The following CUL4A variants were observed in gnomAD, a reference collection of about 807,000 sequenced individuals.
The protein encoded by CUL4A is cullin 4A, also known as cullin-4A.
In CUL4A, 16 loss-of-function variants were observed where a neutral mutation model predicts 95.5. The observed-to-expected ratio is 0.17, with a 90% CI of 0.11 to 0.25. The LOEUF (loss-of-function observed/expected upper bound fraction) is 0.25. CUL4A is among the 10% of genes least tolerant of loss of function. The pLI, the probability that CUL4A is intolerant of heterozygous loss-of-function variation, is 1.00. For synonymous variants in CUL4A, 380 were observed against 353.1 expected, an observed-to-expected ratio of 1.08 and a Z score of -0.85; for missense variants, 610 against 937.0, an observed-to-expected ratio of 0.65 and a Z score of 4.56.
At chr13:113,247,093 G>A (rs547284359) in intron 15 of CUL4A, among the ~76,000 whole-genome samples, 8 of 152,204 alleles carry the variant, frequency 5.3e-5, no homozygotes, top group East Asian at 3.9e-4. Context: ...GAGAGAGGGC[G>A]CAACAGGTGG....
chr13:113,242,513 AGCACAGGG>A (rs1248670759), intron 10 of CUL4A, among the ~76,000 whole-genome samples: 1 of 152,174 alleles, frequency 6.6e-6, no homozygotes, highest in Non-Finnish European at 1.5e-5. Flanking sequence ...ATTCACACCA[AGCACAGGG>A]GCTCATGCCT....
At chr13:113,217,780 G>T (rs1343656141) in intron 2 of CUL4A, among the ~76,000 whole-genome samples, 1 of 152,102 alleles carries the variant, frequency 6.6e-6, no homozygotes, top group African/African-American at 2.4e-5. Flanking sequence ...AAACTTGTTA[G>T]AAAAACCATA....
At chr13:113,239,326 A>G (rs2041637840) in intron 9 of CUL4A, 107 bp from the exon 10 acceptor site, 9 of 970,034 alleles carry the variant, frequency 9.3e-6, no homozygotes, top group South Asian at 2.7e-5. Context: ...GACCCGCCCA[A>G]TTTCTAAGCG....
At chr13:113,239,590 C>A in intron 10 of CUL4A, 39 bp downstream of exon 10, 1 of 1,503,748 alleles carries the variant, frequency 6.7e-7, no homozygotes, top group South Asian at 1.2e-5. Context: ...GTGGGCATTC[C>A]CTGCAGGGAG....
upstream of CUL4A, chr13:113,208,266 C>T: frequency 6.9e-7 from 1 of 1,442,576 alleles, no homozygotes; most frequent in Non-Finnish European, 9.1e-7. Context: ...TCGGCGTGGC[C>T]CGCAGGCCCT....
At chr13:113,218,869 A>C in intron 2 of CUL4A, 76 bp from the exon 3 acceptor site, 21 of 920,866 alleles carry the variant, frequency 2.3e-5, no homozygotes, top group African/African-American at 5.0e-5. Context: ...GATTACAGCT[A>C]TGTTAACAAT....
chr13:113,237,664 G>A (rs531114412), intron 9 of CUL4A, among the ~76,000 whole-genome samples: 3 of 152,118 alleles, frequency 2.0e-5, no homozygotes, highest in African/African-American at 4.8e-5. Flanking sequence ...GTTACCTTCT[G>A]AAAGTCATTT....
At chr13:113,261,764 C>T (rs764710851) in intron 19 of CUL4A, among the ~76,000 whole-genome samples, 71 of 25,402 alleles carry the variant, frequency 2.8e-3, no homozygotes, top group African/African-American at 4.3e-3. Context: ...CCAGGGCGCC[C>T]GCTCTGCTCT....
chr13:113,235,679 T>TA (rs1566349353), intron 8 of CUL4A, among the ~76,000 whole-genome samples: 4 of 152,072 alleles, frequency 2.6e-5, no homozygotes, highest in Non-Finnish European at 5.9e-5. Context: ...ATGAAAATGA[T>TA]ACAGTGTGCA....
intron 3 of CUL4A, among the ~76,000 whole-genome samples, chr13:113,227,014 C>T (rs757453042): frequency 4.6e-5 from 7 of 152,056 alleles, no homozygotes; most frequent in Admixed American, 6.6e-5. Context: ...GTGTTTCTGC[C>T]GGCAGGGACT....
intron 3 of CUL4A, among the ~76,000 whole-genome samples, chr13:113,220,093 T>C (rs995045961): frequency 6.6e-5 from 10 of 152,252 alleles, no homozygotes; most frequent in African/African-American, 2.4e-4. Context: ...AGTGTTCTTC[T>C]AGTTCAAGGA....
chr13:113,222,970 C>T lies in CUL4A; in HGVS notation c.368+3922C>T, dbSNP rs145217715. Among the ~76,000 whole-genome samples the T allele has an allele frequency of 6.8e-3, 1,042 of 152,146 alleles. 12 individuals are homozygous for T. The highest frequency in any genetic ancestry group is 0.024 in the African/African-American group (1,008 of 41,498). On this transcript the variant is annotated intron_variant, in intron 3 of 19. Transcript: ENST00000375440. ...TGCTGTCAGGAAGATGAGAGGAGAA[C>T]CTGGAGAGTCATCTTGTGGGAATCG...
chr13:113,209,997 A>G lies in CUL4A; in HGVS notation c.173A>G (p.Tyr58Cys). 1 of 1,519,668 alleles carries G rather than the reference A, an allele frequency of 6.6e-7. No individual in the cohort carries two copies. The highest frequency in any genetic ancestry group is 8.8e-7 in the Non-Finnish European group (1 of 1,134,564). 94.1% of individuals were successfully genotyped at this position (1,519,668 alleles called of 1,614,324 possible). ...FRDRPRLPDN[Y>C]TQDTWRKLHE... The stretch of plus-strand genomic sequence containing the variant: ...GACAGACCTCGGCTGCCCGACAACT[A>G]CACGCAGGACACGTGGCGGAAGCTG... Residue 58 changes from tyrosine to cysteine, a missense_variant, in exon 2 of 20, where the codon TAC (tyrosine) becomes TGC (cysteine). This residue lies in a region of CUL4A where 168 missense variants were observed against 185.5 expected (regional missense o/e 0.91). Coordinates refer to ENST00000375440, the MANE Select transcript of CUL4A (RefSeq NM_001008895.4).
At chr13:113,240,000 C>G (rs577214511) in intron 10 of CUL4A, among the ~76,000 whole-genome samples, 1 of 152,200 alleles carries the variant, frequency 6.6e-6, no homozygotes, top group African/African-American at 2.4e-5. Flanking sequence ...GGATTTATTA[C>G]TTAAACTTTC....
Position 113,209,730 on chromosome 13 carries a change from G to C in CUL4A, c.103G>C (p.Gly35Arg), listed in dbSNP as rs1163049031. 14 of 1,165,846 alleles carry C rather than the reference G, an allele frequency of 1.2e-5. No individual in the cohort carries two copies. The East Asian group carries it at 4.6e-4, about 38-fold the overall frequency. 72.2% of individuals were successfully genotyped at this position (1,165,846 alleles called of 1,614,324 possible). A position where few individuals can be genotyped will look rare whatever the true frequency, so the allele number is the denominator to read the frequency against. Residue 35 changes from glycine to arginine, a missense_variant, in exon 1 of 20, where the codon GGG (glycine) becomes CGG (arginine). Physicochemically the swap from Gly to Arg is moderately radical, Grantham distance 125. Around this residue, in one of 10 missense-constraint regions of CUL4A, gnomAD observed 168 missense variants for 185.5 expected, o/e 0.91. Coordinates refer to ENST00000375440, the MANE Select transcript of CUL4A (RefSeq NM_001008895.4). ...AALAAAPAKP[G>R]GAGGSKKLVI... ...CCTGGCCGCCGCGCCCGCCAAGCCGGGGGGCGCGGGCGGCTCCAAGAAGCT... is the reference window on the plus strand; with the variant it reads ...CCTGGCCGCCGCGCCCGCCAAGCCGCGGGGCGCGGGCGGCTCCAAGAAGCT...
At chr13:113,252,657 G>A (rs913468542) in intron 15 of CUL4A, among the ~76,000 whole-genome samples, 1 of 152,242 alleles carries the variant, frequency 6.6e-6, no homozygotes, top group African/African-American at 2.4e-5. Context: ...AAGGGGTTGT[G>A]GTGTCACCCT....
intron 18 of CUL4A, among the ~76,000 whole-genome samples, chr13:113,256,814 T>C (rs2042131219): frequency 6.6e-6 from 1 of 152,114 alleles, no homozygotes; most frequent in African/African-American, 2.4e-5. Flanking sequence ...ATTTTTCTTT[T>C]TCTAATTGCT....
At position 113,264,655 on chromosome 13, in the gene CUL4A, G is replaced by C. The variant is rs959403391; in HGVS notation, c.*1073G>C. 2 of 152,556 alleles carry C rather than the reference G, an allele frequency of 1.3e-5. No homozygotes were observed. Among genetic ancestry groups the C allele is most frequent in the African/African-American group, 4.8e-5 (2 of 41,424 alleles). The allele number at this position is 152,556 out of a possible 1,614,324, so 9.5% of individuals were successfully genotyped here. A position where few individuals can be genotyped will look rare whatever the true frequency, so the allele number is the denominator to read the frequency against. ...GATACTTTTGAGATAACATTTAAAA[G>C]TACTTTATATTTTACATAATAGCAT... On this transcript the variant is annotated 3_prime_UTR_variant, in exon 20 of 20. Transcript: ENST00000375440.
chr13:113,247,670 G>C (rs1042399394), intron 15 of CUL4A, among the ~76,000 whole-genome samples: 1 of 152,198 alleles, frequency 6.6e-6, no homozygotes, highest in South Asian at 2.1e-4. Context: ...GCCAGACTTA[G>C]AGAACATGTG....
Sources: allele counts gnomAD v4.1 joint callset (sites outside exome capture counted in the v4.1 genomes callset), GRCh38; gene constraint gnomAD v4.1.1; regional missense constraint gnomAD v4.1.1; transcripts MANE v1.5; gene names NCBI Gene and HGNC (gene_info 2026-07-23, HGNC 2026-07-21).